Variants in CLCN5 observed in about 807,000 individuals in gnomAD.
The protein encoded by CLCN5 is H(+)/Cl(-) exchange transporter 5.
CLCN5 carries 17 observed loss-of-function variants against 54.0 expected under a neutral mutation model. That is an observed-to-expected ratio of 0.31 (90% CI 0.22 to 0.47). The LOEUF is 0.47. CLCN5 is among the 20% of genes least tolerant of loss of function. CLCN5 has a pLI of 1.00. For missense variants in CLCN5, 448 were observed against 646.7 expected, an observed-to-expected ratio of 0.69 and a Z score of 3.33; for synonymous variants, 222 against 233.0, an observed-to-expected ratio of 0.95 and a Z score of 0.43.
intron 3 of CLCN5, among the ~76,000 whole-genome samples, chrX:49,944,664 T>C (rs1926588123): frequency 8.9e-6 from 1 of 112,117 alleles, no homozygotes; most frequent in South Asian, 3.7e-4. Context: ...GAGATAATCA[T>C]GTGGTTTTTG....
chrX:49,991,347 ATCT>A (rs1215731605), intron 3 of CLCN5, among the ~76,000 whole-genome samples: 1 of 112,067 alleles, frequency 8.9e-6, no homozygotes, highest in Non-Finnish European at 1.9e-5. Flanking sequence ...CCATTTGTAT[ATCT>A]TCTTTTGAGA....
intron 3 of CLCN5, among the ~76,000 whole-genome samples, chrX:50,033,342 A>G (rs1406400027): frequency 9.0e-6 from 1 of 111,599 alleles, no homozygotes; most frequent in Admixed American, 9.5e-5. Flanking sequence ...AAATCAATGT[A>G]CAAAAATCAC....
intron 3 of CLCN5, among the ~76,000 whole-genome samples, chrX:50,031,723 A>G (rs1052308204): frequency 9.1e-6 from 1 of 109,687 alleles, no homozygotes; most frequent in Non-Finnish European, 1.9e-5. Context: ...TTTCTTTATT[A>G]TTATTATTAT....
At chrX:49,952,949 A>C (rs1422718021) in intron 3 of CLCN5, among the ~76,000 whole-genome samples, 1 of 105,949 alleles carries the variant, frequency 9.4e-6, no homozygotes, top group African/African-American at 3.5e-5. Context: ...GCAATGGCAC[A>C]ATCTCGGCTC....
intron 4 of CLCN5, among the ~76,000 whole-genome samples, chrX:50,065,961 A>G (rs1206884995): frequency 1.8e-4 from 17 of 92,536 alleles, no homozygotes; most frequent in Non-Finnish European, 3.1e-4. Flanking sequence ...GAATTGAACA[A>G]TGAGATCACA....
intron 3 of CLCN5, chrX:50,003,538 T>C (rs1366438869): frequency 2.6e-6 from 1 of 378,281 alleles, no homozygotes; most frequent in Non-Finnish European, 5.3e-6. Context: ...TGGTGGAGGG[T>C]GAGCTTTCTG....
At chrX:50,065,850 A>G (rs1557190711) in intron 4 of CLCN5, among the ~76,000 whole-genome samples, 1 of 101,388 alleles carries the variant, frequency 9.9e-6, no homozygotes, top group Non-Finnish European at 2.0e-5. Context: ...TGATGAGTTC[A>G]TGTCCTTTGT....
intron 3 of CLCN5, among the ~76,000 whole-genome samples, chrX:49,947,293 G>A (rs1557172300): frequency 9.0e-6 from 1 of 111,116 alleles, no homozygotes; most frequent in African/African-American, 3.3e-5. Flanking sequence ...ATTGTGTGGG[G>A]CCTTCCACTG....
At chrX:49,953,557 C>T (rs1041378940) in intron 3 of CLCN5, among the ~76,000 whole-genome samples, 6 of 111,854 alleles carry the variant, frequency 5.4e-5, no homozygotes, top group Non-Finnish European at 9.4e-5. Context: ...CTTCCTGCCT[C>T]GGCCTCTCAA....
intron 4 of CLCN5, among the ~76,000 whole-genome samples, chrX:50,056,964 G>A (rs781835251): frequency 6.3e-5 from 7 of 111,761 alleles, no homozygotes; most frequent in Non-Finnish European, 1.3e-4. Flanking sequence ...CAGCAGAGTC[G>A]GGATAGAGTT....
intron 3 of CLCN5, among the ~76,000 whole-genome samples, chrX:50,028,450 T>A (rs1931530425): frequency 8.9e-6 from 1 of 112,001 alleles, no homozygotes; most frequent in African/African-American, 3.2e-5. Context: ...TTTAAGCTTT[T>A]GAGCTTATCC....
At chrX:50,042,534 TA>T (rs1602082697) in intron 4 of CLCN5, 72 bp downstream of exon 4, 1 of 730,901 alleles carries the variant, frequency 1.4e-6, no homozygotes, top group Non-Finnish European at 1.8e-6. Context: ...TATTTTTTTT[TA>T]ATTTTATTTT....
intron 4 of CLCN5, among the ~76,000 whole-genome samples, chrX:50,067,055 C>T (rs1343737680): frequency 9.0e-6 from 1 of 111,573 alleles, no homozygotes; most frequent in African/African-American, 3.3e-5. Flanking sequence ...CACATGGCAG[C>T]CCTCTACTCT....
intron 3 of CLCN5, chrX:50,003,361 G>T (rs1001517399): frequency 2.1e-5 from 7 of 332,125 alleles, no homozygotes; most frequent in African/African-American, 1.8e-4. Context: ...CTGGATGACT[G>T]TCCTGCTTCC....
At chrX:49,942,513 C>A (rs1165203706) in intron 3 of CLCN5, among the ~76,000 whole-genome samples, 1 of 108,765 alleles carries the variant, frequency 9.2e-6, no homozygotes, top group Non-Finnish European at 1.9e-5. Context: ...ATTAACTCAT[C>A]ATTTACATTA....
chrX:50,088,529 C>A, intron 11 of CLCN5, 169 bp from the exon 12 acceptor site: 1 of 498,726 alleles, frequency 2.0e-6, no homozygotes, highest in Non-Finnish European at 3.6e-6. Flanking sequence ...CCCAGAGAAC[C>A]TCTAGTCCCT....
chrX:50,003,205 C>CTCA, intron 3 of CLCN5: 2 of 385,066 alleles, frequency 5.2e-6, no homozygotes, highest in South Asian at 4.7e-5. Flanking sequence ...CTTAATTACC[C>CTCA]TCCCACACCC....
rs182484345 is a variant in CLCN5, at chrX:49,957,269, C to G, written c.16+31955C>G. ...GAGCCAAGATTGCACCACTGCACTC[C>G]AGCCTGGGCGACAGAGTGAGACTCT... On this transcript the variant is annotated intron_variant, in intron 3 of 14. Coordinates refer to ENST00000376091, the MANE Select transcript of CLCN5 (RefSeq NM_001127898.4). Among the ~76,000 whole-genome samples, 323 of 111,285 alleles carry G rather than the reference C, an allele frequency of 2.9e-3. 1 individual carries two copies. The highest frequency in any genetic ancestry group is 0.01 in the African/African-American group (315 of 30,614).
chrX:49,926,908 A>C (rs1557168092), intron 3 of CLCN5, among the ~76,000 whole-genome samples: 1 of 90,094 alleles, frequency 1.1e-5, no homozygotes, highest in Non-Finnish European at 1.9e-5. Context: ...CAGTAAGGTT[A>C]GAATGGGATT....
Sources: gnomAD v4.1 joint callset for allele counts (sites outside exome capture counted in the v4.1 genomes callset) on GRCh38, gnomAD v4.1.1 for gene constraint, MANE v1.5 for transcripts, NCBI Gene and HGNC (gene_info 2026-07-23, HGNC 2026-07-21) for gene names.